WIPF2: variants seen among roughly 807,000 people sequenced by gnomAD.
The protein encoded by WIPF2 is WAS/WASL-interacting protein family member 2.
In WIPF2, 23 loss-of-function variants were observed where a neutral mutation model predicts 38.8. That is an observed-to-expected ratio of 0.59 (90% CI 0.43 to 0.84). WIPF2 has a LOEUF of 0.84. Among genes scored for constraint, WIPF2 ranks in the 40% least tolerant of loss-of-function variants. WIPF2 has a pLI of 0.00. For missense variants in WIPF2, 574 were observed against 580.5 expected, an observed-to-expected ratio of 0.99 and a Z score of 0.11; for synonymous variants, 210 against 223.2, an observed-to-expected ratio of 0.94 and a Z score of 0.53.
chr17:40,270,283 A>G (rs909915849), intron 5 of WIPF2, among the ~76,000 whole-genome samples: 9 of 151,002 alleles, frequency 6.0e-5, no homozygotes, highest in Non-Finnish European at 1.0e-4. Flanking sequence ...GGAGAGTGGC[A>G]TGAACCCGGG....
chr17:40,223,954 G>C (rs1478997634), intron 1 of WIPF2, among the ~76,000 whole-genome samples: 1 of 151,892 alleles, frequency 6.6e-6, no homozygotes, highest in East Asian at 1.9e-4. Flanking sequence ...GTATATGTTA[G>C]TCTGTTTTCC....
chr17:40,246,915 G>GCA (rs2031386198), intron 1 of WIPF2, among the ~76,000 whole-genome samples: 1 of 151,812 alleles, frequency 6.6e-6, no homozygotes, highest in Non-Finnish European at 1.5e-5. Flanking sequence ...TTCGAGTCCA[G>GCA]TCTGGCCAAC....
chr17:40,235,569 C>CTTTTTT (rs777748624), intron 1 of WIPF2, among the ~76,000 whole-genome samples: 1 of 119,894 alleles, frequency 8.3e-6, no homozygotes, highest in Admixed American at 8.9e-5. Context: ...GAGAGTGAGA[C>CTTTTTT]TTTTTTTTTT....
intron 1 of WIPF2, among the ~76,000 whole-genome samples, chr17:40,232,093 A>C (rs1290610207): frequency 2.7e-5 from 4 of 147,624 alleles, no homozygotes; most frequent in Non-Finnish European, 6.0e-5. Context: ...GCTCACTGCA[A>C]CCTCTGCCTC....
intron 5 of WIPF2, among the ~76,000 whole-genome samples, chr17:40,268,298 G>C (rs1345934307): frequency 6.6e-6 from 1 of 152,172 alleles, no homozygotes; most frequent in African/African-American, 2.4e-5. Context: ...CTGCATTCCT[G>C]ATCCCATATC....
intron 1 of WIPF2, among the ~76,000 whole-genome samples, chr17:40,230,368 A>T (rs1209211583): frequency 6.6e-6 from 1 of 152,038 alleles, no homozygotes; most frequent in Non-Finnish European, 1.5e-5. Flanking sequence ...GAGTAATAGG[A>T]TAGTGAATTT....
chr17:40,245,146 C>T (rs577188434), intron 1 of WIPF2, among the ~76,000 whole-genome samples: 34 of 152,236 alleles, frequency 2.2e-4, no homozygotes, highest in African/African-American at 7.9e-4. Context: ...AACAAAAGAA[C>T]ATTCCAGTCT....
chr17:40,243,228 G>C (rs558316852), intron 1 of WIPF2, among the ~76,000 whole-genome samples: 3 of 152,184 alleles, frequency 2.0e-5, no homozygotes, highest in Non-Finnish European at 1.5e-5. Context: ...TCTGGGGCTG[G>C]TCTGATGGTA....
rs80072019 is a variant in WIPF2, at chr17:40,242,440, C to G, written c.-69-13951C>G. 2.7e-3 allele frequency among the ~76,000 whole-genome samples: 411 copies of G among 152,216 alleles called. 2 individuals are homozygous for G. Among genetic ancestry groups the G allele is most frequent in the African/African-American group, 9.5e-3 (393 of 41,540 alleles). On this transcript the variant is annotated intron_variant, in intron 1 of 7. Transcript: ENST00000323571. ...TTGTTGGTTTGTTTTTTGAGACAGTCTCACTCTGTTACCCAGTGGCACAAT... is the reference window on the plus strand; with the variant it reads ...TTGTTGGTTTGTTTTTTGAGACAGTGTCACTCTGTTACCCAGTGGCACAAT...
chr17:40,259,047 GT>G (rs1200018184), intron 2 of WIPF2, among the ~76,000 whole-genome samples: 9 of 118,874 alleles, frequency 7.6e-5, no homozygotes, highest in Non-Finnish European at 1.3e-4. Context: ...AAAAAGATAA[GT>G]TTTTTTTTTT....
At chr17:40,270,328 T>C (rs2032211255) in intron 5 of WIPF2, among the ~76,000 whole-genome samples, 1 of 146,368 alleles carries the variant, frequency 6.8e-6, no homozygotes. Flanking sequence ...ATCGTGCCAC[T>C]GTACTCAAGC....
At chr17:40,225,426 CTCTT>C (rs1343192894) in intron 1 of WIPF2, among the ~76,000 whole-genome samples, 2 of 151,998 alleles carry the variant, frequency 1.3e-5, no homozygotes, top group African/African-American at 4.8e-5. Flanking sequence ...AGTCTTAACT[CTCTT>C]TAAGATTTTG....
chr17:40,231,156 G>A (rs563192562), intron 1 of WIPF2, among the ~76,000 whole-genome samples: 5 of 152,242 alleles, frequency 3.3e-5, no homozygotes, highest in African/African-American at 1.2e-4. Context: ...TCAGCAAGGA[G>A]CATCTGTGTT....
intron 1 of WIPF2, among the ~76,000 whole-genome samples, chr17:40,243,770 C>T (rs1308003735): frequency 6.6e-6 from 1 of 152,064 alleles, no homozygotes; most frequent in African/African-American, 2.4e-5. Context: ...ATCCACCCAC[C>T]TCCACCTCCC....
intron 1 of WIPF2, among the ~76,000 whole-genome samples, chr17:40,234,481 A>G (rs184125189): frequency 2.6e-5 from 4 of 152,218 alleles, no homozygotes; most frequent in Admixed American, 1.3e-4. Context: ...TTATCTAGGT[A>G]TGGTGGCATG....
chr17:40,225,215 G>A (rs2030426760), intron 1 of WIPF2, among the ~76,000 whole-genome samples: 1 of 151,470 alleles, frequency 6.6e-6, no homozygotes, highest in Admixed American at 6.6e-5. Flanking sequence ...TGGGCATTGT[G>A]GAAGAGAAGA....
At chr17:40,270,719 A>G (rs1028751226) in intron 5 of WIPF2, among the ~76,000 whole-genome samples, 3 of 152,172 alleles carry the variant, frequency 2.0e-5, no homozygotes, top group Non-Finnish European at 4.4e-5. Context: ...TGGAATCAAA[A>G]CAAGGCTCAG....
intron 2 of WIPF2, among the ~76,000 whole-genome samples, chr17:40,260,179 CTTT>C (rs34757828): frequency 4.0e-5 from 4 of 101,040 alleles, no homozygotes; most frequent in African/African-American, 7.5e-5. Flanking sequence ...ATAAAGGGAA[CTTT>C]TTTTTTTTTT....
chr17:40,240,901 C>T lies in WIPF2; in HGVS notation c.-69-15490C>T, dbSNP rs576050712. On this transcript the variant is annotated intron_variant, in intron 1 of 7. Transcript: ENST00000323571. ...TGGAGCTTGCAGTGAGCCGAGATAG[C>T]GCCACTGCACTCCAGCCTGGGCAAC... Among the ~76,000 whole-genome samples, 58 of 149,244 alleles carry T rather than the reference C, an allele frequency of 3.9e-4. 1 individual carries two copies. The highest frequency in any genetic ancestry group is 3.8e-4 in the Non-Finnish European group (26 of 67,694).
Sources: allele counts gnomAD v4.1 joint callset (sites outside exome capture counted in the v4.1 genomes callset), GRCh38; gene constraint gnomAD v4.1.1; transcripts MANE v1.5; gene names NCBI Gene and HGNC (gene_info 2026-07-23, HGNC 2026-07-21).